The following ADAM10 variants were observed in gnomAD, a reference collection of about 807,000 sequenced individuals.
ADAM10 encodes the protein disintegrin and metalloproteinase domain-containing protein 10.
ADAM10 carries 17 observed loss-of-function variants against 90.1 expected under a neutral mutation model. That is an observed-to-expected ratio of 0.19 (90% CI 0.13 to 0.28). The LOEUF is 0.28. ADAM10 is among the 10% of genes least tolerant of loss of function. The probability of loss-of-function intolerance (pLI) is 1.00; values close to 1 mark genes in which losing one functional copy is unlikely to be tolerated. For missense variants in ADAM10, 610 were observed against 914.3 expected (o/e 0.67, Z 4.29); for synonymous variants, 310 against 298.6 (o/e 1.04, Z -0.40).
At chr15:58,715,068 G>A (rs1251036243) in intron 2 of ADAM10, among the ~76,000 whole-genome samples, 1 of 152,096 alleles carries the variant, frequency 6.6e-6, no homozygotes, top group Non-Finnish European at 1.5e-5. Flanking sequence ...TCTGAAATTG[G>A]ATGAATTACA....
At chr15:58,606,102 T>A (rs1262452179) in intron 14 of ADAM10, among the ~76,000 whole-genome samples, 3 of 152,198 alleles carry the variant, frequency 2.0e-5, no homozygotes, top group African/African-American at 7.2e-5. Context: ...ACGCTCACTC[T>A]CAGCAAATGC....
At chr15:58,647,245 A>T (rs1365017347) in intron 5 of ADAM10, among the ~76,000 whole-genome samples, 4 of 49,886 alleles carry the variant, frequency 8.0e-5, no homozygotes, top group African/African-American at 1.2e-4. Flanking sequence ...GTAGACACTA[A>T]GTATTTTTTT....
chr15:58,649,037 G>A (rs2013878), intron 5 of ADAM10, among the ~76,000 whole-genome samples: 7,540 of 151,670 alleles, frequency 0.05, 643 homozygotes, highest in African/African-American at 0.17. Context: ...TCTTTTAATC[G>A]GTGCATTTAA....
chr15:58,638,725 A>G (rs1053233681), intron 8 of ADAM10, among the ~76,000 whole-genome samples: 1 of 152,090 alleles, frequency 6.6e-6, no homozygotes, highest in African/African-American at 2.4e-5. Flanking sequence ...TGATCCAAAT[A>G]TCACAAACAA....
At chr15:58,625,815 T>G (rs1259011690) in intron 10 of ADAM10, among the ~76,000 whole-genome samples, 2 of 152,200 alleles carry the variant, frequency 1.3e-5, no homozygotes, top group African/African-American at 4.8e-5. Context: ...GGAATACTAC[T>G]CAGAAATAAA....
At chr15:58,686,451 TG>T in intron 2 of ADAM10, 1 of 1,392,078 alleles carries the variant, frequency 7.2e-7, no homozygotes, top group Non-Finnish European at 1.0e-6. Flanking sequence ...CAGTGCCTGG[TG>T]GAGCAGCTCA....
At chr15:58,686,162 C>T (rs1189089426) in intron 2 of ADAM10, among the ~76,000 whole-genome samples, 1 of 152,154 alleles carries the variant, frequency 6.6e-6, no homozygotes, top group South Asian at 2.1e-4. Flanking sequence ...AGAGACTCCA[C>T]AAAGGTGGGC....
chr15:58,691,119 G>A (rs7179724), intron 2 of ADAM10: 1 of 676,794 alleles, frequency 1.5e-6, no homozygotes, highest in African/African-American at 1.8e-5. Flanking sequence ...GTAGGTGCTG[G>A]TCACAATGCG....
intron 4 of ADAM10, among the ~76,000 whole-genome samples, chr15:58,675,156 C>G (rs1313141322): frequency 6.6e-6 from 1 of 152,214 alleles, no homozygotes; most frequent in African/African-American, 2.4e-5. Flanking sequence ...TGAGATGGCA[C>G]CACTGCACTC....
chr15:58,644,335 T>C (rs551047519), intron 6 of ADAM10, among the ~76,000 whole-genome samples: 4 of 152,060 alleles, frequency 2.6e-5, no homozygotes, highest in Non-Finnish European at 4.4e-5. Flanking sequence ...ATTCAAGTGA[T>C]TCTCCTGCCT....
chr15:58,692,346 C>T (rs756420432), intron 2 of ADAM10: 35 of 605,170 alleles, frequency 5.8e-5, no homozygotes, highest in African/African-American at 1.8e-4. Flanking sequence ...TGGTCCAAAT[C>T]GGCTTGGTCT....
At chr15:58,622,496 T>G (rs1895816065) in intron 10 of ADAM10, among the ~76,000 whole-genome samples, 1 of 152,214 alleles carries the variant, frequency 6.6e-6, no homozygotes, top group Admixed American at 6.5e-5. Flanking sequence ...GTTGGGTGAT[T>G]TTGTCTATGA....
chr15:58,657,887 T>TG (rs1454091143), intron 5 of ADAM10, among the ~76,000 whole-genome samples: 1 of 144,974 alleles, frequency 6.9e-6, no homozygotes, highest in African/African-American at 2.5e-5. Context: ...TTGGGGTTTG[T>TG]GTTTTTTTTT....
chr15:58,618,524 C>T (rs1297573885), intron 11 of ADAM10, among the ~76,000 whole-genome samples: 2 of 152,090 alleles, frequency 1.3e-5, no homozygotes, highest in African/African-American at 4.8e-5. Context: ...TAGGGTTACA[C>T]ACACTAAAAA....
intron 1 of ADAM10, among the ~76,000 whole-genome samples, chr15:58,744,625 A>T (rs557115742): frequency 2.0e-5 from 3 of 152,352 alleles, no homozygotes; most frequent in Admixed American, 6.5e-5. Flanking sequence ...ATTAAACTTC[A>T]ATCATGTAAG....
chr15:58,683,751 T>G (rs557539817), intron 2 of ADAM10, among the ~76,000 whole-genome samples: 1 of 145,726 alleles, frequency 6.9e-6, no homozygotes, highest in African/African-American at 2.6e-5. Flanking sequence ...TCCCAGCTAC[T>G]GGGGAGGCTG....
rs1205761973 is a variant in ADAM10 at position 58,589,174 on chromosome 15, C to G, written c.*8373G>C. Reference sequence around the variant, plus strand: ...AATGTTTATTGAACACCTACTATAGCCAAGCTCAAGGAAATGGAGATTAAT... The same window carrying G: ...AATGTTTATTGAACACCTACTATAGGCAAGCTCAAGGAAATGGAGATTAAT... On this transcript the variant is annotated 3_prime_UTR_variant, in exon 16 of 16. Transcript: ENST00000260408. 6.6e-6 allele frequency: 1 copy of G among 152,094 alleles called. No individual in the cohort carries two copies. Among genetic ancestry groups the G allele is most frequent in the Admixed American group, 6.6e-5 (1 of 15,262 alleles). The allele number at this position is 152,094 out of a possible 1,614,324, so 9.4% of individuals were successfully genotyped here.
At chr15:58,728,912 G>A (rs549250838) in intron 1 of ADAM10, among the ~76,000 whole-genome samples, 1 of 152,164 alleles carries the variant, frequency 6.6e-6, no homozygotes, top group Admixed American at 6.5e-5. Context: ...GGAAATAAAA[G>A]ATTAAATGAC....
intron 1 of ADAM10, among the ~76,000 whole-genome samples, chr15:58,733,921 A>AT (rs59516618): frequency 3.2e-4 from 48 of 149,870 alleles, no homozygotes; most frequent in African/African-American, 7.8e-4. Flanking sequence ...ATATATATAT[A>AT]AAAATAATAT....
Sources: gnomAD v4.1 joint callset for allele counts (sites outside exome capture counted in the v4.1 genomes callset) on GRCh38, gnomAD v4.1.1 for gene constraint, MANE v1.5 for transcripts, NCBI Gene and HGNC (gene_info 2026-07-23, HGNC 2026-07-21) for gene names.